The following TMTC2 variants were observed in gnomAD, a reference collection of about 807,000 sequenced individuals.
TMTC2 encodes the protein protein O-mannosyl-transferase TMTC2.
Under a neutral mutation model 82.4 loss-of-function variants are expected in TMTC2, and 43 were observed. The ratio of observed to expected loss-of-function variants is 0.52; its 90% CI spans 0.41 to 0.67. The LOEUF is 0.67. Among genes scored for constraint, TMTC2 ranks in the 30% least tolerant of loss-of-function variants. The pLI, the probability that TMTC2 is intolerant of heterozygous loss-of-function variation, is 0.00. For synonymous variants in TMTC2, 408 were observed against 381.9 expected (o/e 1.07, Z -0.80); for missense variants, 919 against 1,012.4 (o/e 0.91, Z 1.25).
chr12:82,769,317 A>G (rs1262031909), intron 1 of TMTC2, among the ~76,000 whole-genome samples: 1 of 151,784 alleles, frequency 6.6e-6, no homozygotes, highest in East Asian at 2.0e-4. Flanking sequence ...CTACTAAAAA[A>G]ATACAAAAAT....
chr12:82,794,772 A>G (rs974096139), intron 1 of TMTC2, among the ~76,000 whole-genome samples: 7 of 152,168 alleles, frequency 4.6e-5, no homozygotes, highest in Admixed American at 3.3e-4. Context: ...TGGGAATGTT[A>G]TCTAACTGAT....
intron 11 of TMTC2, among the ~76,000 whole-genome samples, chr12:83,098,862 G>C (rs1040975150): frequency 6.6e-5 from 10 of 152,062 alleles, no homozygotes; most frequent in African/African-American, 2.4e-4. Flanking sequence ...ATGTTCTGCT[G>C]TTCTCCCTGG....
chr12:82,836,624 C>T (rs1168223526), intron 1 of TMTC2, among the ~76,000 whole-genome samples: 1 of 152,092 alleles, frequency 6.6e-6, no homozygotes, highest in Non-Finnish European at 1.5e-5. Flanking sequence ...CCACTGAAAC[C>T]CATTTTGGAC....
At chr12:82,766,459 A>G (rs561920437) in intron 1 of TMTC2, among the ~76,000 whole-genome samples, 1 of 152,320 alleles carries the variant, frequency 6.6e-6, no homozygotes, top group East Asian at 1.9e-4. Context: ...GTTGACAAAC[A>G]TCTGCCTGAT....
intron 8 of TMTC2, among the ~76,000 whole-genome samples, chr12:83,010,177 T>C (rs1321248005): frequency 6.6e-6 from 1 of 152,232 alleles, no homozygotes; most frequent in African/African-American, 2.4e-5. Flanking sequence ...ATACTCTCTC[T>C]ATATCTATTT....
intron 1 of TMTC2, among the ~76,000 whole-genome samples, chr12:82,848,776 A>T (rs558905814): frequency 6.6e-6 from 1 of 152,252 alleles, no homozygotes; most frequent in South Asian, 2.1e-4. Flanking sequence ...TGTAGCAAGC[A>T]GTCAGTGTTG....
At chr12:83,058,663 A>C (rs930342777) in intron 10 of TMTC2, among the ~76,000 whole-genome samples, 3 of 151,834 alleles carry the variant, frequency 2.0e-5, no homozygotes, top group Non-Finnish European at 4.4e-5. Context: ...ATCTGGATCC[A>C]TTGTGGGTTC....
chr12:82,801,925 A>G (rs1723193378), intron 1 of TMTC2, among the ~76,000 whole-genome samples: 1 of 152,080 alleles, frequency 6.6e-6, no homozygotes, highest in African/African-American at 2.4e-5. Context: ...TTAGCTAGAC[A>G]TAAAGATTCT....
chr12:83,022,967 T>A (rs970479123), intron 8 of TMTC2, among the ~76,000 whole-genome samples: 1 of 152,206 alleles, frequency 6.6e-6, no homozygotes, highest in African/African-American at 2.4e-5. Context: ...TAGCGGACAT[T>A]GAGTTCGTAT....
chr12:82,765,687 C>G (rs1053020255), intron 1 of TMTC2, among the ~76,000 whole-genome samples: 1 of 142,290 alleles, frequency 7.0e-6, no homozygotes, highest in African/African-American at 2.7e-5. Flanking sequence ...AAAAACAAAA[C>G]AAAACAAAAC....
chr12:83,081,491 C>G (rs1443656597), intron 11 of TMTC2, among the ~76,000 whole-genome samples: 1 of 151,960 alleles, frequency 6.6e-6, no homozygotes, highest in Admixed American at 6.6e-5. Flanking sequence ...CTTTTTATTA[C>G]CAAATAAAAT....
chr12:82,970,396 A>G (rs561213576), intron 7 of TMTC2, among the ~76,000 whole-genome samples: 2 of 152,250 alleles, frequency 1.3e-5, no homozygotes, highest in African/African-American at 2.4e-5. Flanking sequence ...CAGTGGCGCA[A>G]TCTCGCCTCA....
chr12:82,864,429 A>G (rs1002838208), intron 2 of TMTC2, among the ~76,000 whole-genome samples: 1 of 151,306 alleles, frequency 6.6e-6, no homozygotes, highest in Non-Finnish European at 1.5e-5. Context: ...TTGGTGATGA[A>G]CTGAAAATCC....
At chr12:82,713,805 A>G (rs1873760533) in intron 1 of TMTC2, among the ~76,000 whole-genome samples, 1 of 152,188 alleles carries the variant, frequency 6.6e-6, no homozygotes, top group African/African-American at 2.4e-5. Context: ...GGAGGAAAGT[A>G]GTTTTGAGAG....
intron 1 of TMTC2, among the ~76,000 whole-genome samples, chr12:82,825,038 G>A (rs1157704906): frequency 3.3e-5 from 5 of 151,398 alleles, no homozygotes; most frequent in African/African-American, 1.2e-4. Flanking sequence ...GCAGTGATCC[G>A]AGATCGTGCC....
At chr12:82,754,611 T>G (rs1876198720) in intron 1 of TMTC2, among the ~76,000 whole-genome samples, 1 of 151,960 alleles carries the variant, frequency 6.6e-6, no homozygotes, top group African/African-American at 2.4e-5. Context: ...GTGCTGGGCA[T>G]CTGGAGTCCC....
intron 4 of TMTC2, among the ~76,000 whole-genome samples, chr12:82,942,978 A>G (rs1034899973): frequency 6.6e-6 from 1 of 152,180 alleles, no homozygotes; most frequent in African/African-American, 2.4e-5. Context: ...CATTGGTTTC[A>G]GTAAGTTGCT....
chr12:83,117,751 G>A (rs972190433), intron 11 of TMTC2, among the ~76,000 whole-genome samples: 4 of 152,020 alleles, frequency 2.6e-5, no homozygotes, highest in African/African-American at 9.7e-5. Flanking sequence ...TGTCAGTATG[G>A]TCATTTTCAC....
At chr12:82,771,439 A>C (rs746389127) in intron 1 of TMTC2, among the ~76,000 whole-genome samples, 12 of 152,070 alleles carry the variant, frequency 7.9e-5, no homozygotes, top group Non-Finnish European at 1.6e-4. Flanking sequence ...CCTTATTACC[A>C]TGTGGCACCA....
Sources: allele counts gnomAD v4.1 joint callset (sites outside exome capture counted in the v4.1 genomes callset), GRCh38; gene constraint gnomAD v4.1.1; transcripts MANE v1.5; gene names NCBI Gene and HGNC (gene_info 2026-07-23, HGNC 2026-07-21).